Variants in ATP1B4 observed in about 807,000 individuals in gnomAD.
ATP1B4 encodes ATPase Na+/K+ transporting family member beta 4.
A neutral mutation model predicts 29.6 loss-of-function variants in ATP1B4; 32 were observed. The observed-to-expected ratio is 1.08, with a 90% CI of 0.82 to 1.45. The LOEUF is 1.45. ATP1B4 is among the 40% of genes most tolerant of loss of function. ATP1B4 has a pLI of 0.00. For synonymous variants in ATP1B4, 127 were observed against 102.1 expected (o/e 1.24, Z -1.47); for missense variants, 323 against 276.2 (o/e 1.17, Z -1.20).
At chrX:120,376,663 G>A (rs1243852856) in intron 6 of ATP1B4, among the ~76,000 whole-genome samples, 1 of 112,075 alleles carries the variant, frequency 8.9e-6, no homozygotes, top group Admixed American at 9.5e-5. Context: ...GTGTCAGTCA[G>A]TCTGTCATGA....
At chrX:120,364,792 C>T (rs994146976) in intron 1 of ATP1B4, among the ~76,000 whole-genome samples, 12 of 112,248 alleles carry the variant, frequency 1.1e-4, no homozygotes, top group Non-Finnish European at 2.3e-4. Context: ...TCACAGCTCA[C>T]TGCAGCCTTG....
chrX:120,375,507 T>C lies in ATP1B4; in HGVS notation c.698T>C (p.Leu233Pro). The C allele has an allele frequency of 8.3e-7, 1 of 1,211,454 alleles. No individual in the cohort carries two copies. The highest frequency in any genetic ancestry group is 1.1e-6 in the Non-Finnish European group (1 of 895,352). Residue 233 changes from leucine to proline, a missense_variant, in exon 5 of 8, where the codon CTG becomes CCG. By Grantham distance (98) the Leu-to-Pro change is moderately conservative (BLOSUM62 -3). Transcript: ENST00000218008. The part of the protein sequence containing the change: ...KRSFLKNCSG[L>P]EDPTFGYSTG... ...TCCTTCCTAAAGAACTGCTCTGGTC[T>C]GGAGGACCCAACTTTTGGATACTCT...
rs182358664 is a variant in ATP1B4, at chrX:120,375,141, A to C, written c.563-231A>C. ...TTCCATGGGAATGAAAAGCAAAGGAACAGGCAATCAAACTGGGCTGAAGTG... is the reference window on the plus strand; with the variant it reads ...TTCCATGGGAATGAAAAGCAAAGGACCAGGCAATCAAACTGGGCTGAAGTG... On this transcript the variant is annotated intron_variant, in intron 4 of 7. Transcript: ENST00000218008. Among the ~76,000 whole-genome samples the C allele has an allele frequency of 1.7e-4, 19 of 110,030 alleles. No homozygotes were observed. In the East Asian group the frequency reaches 2.6e-3, roughly 15 times the overall value.
At chrX:120,363,749 C>G (rs2058273617) in intron 1 of ATP1B4, among the ~76,000 whole-genome samples, 1 of 112,169 alleles carries the variant, frequency 8.9e-6, no homozygotes, top group Non-Finnish European at 1.9e-5. Flanking sequence ...CACACACCCA[C>G]TACCATATCC....
chrX:120,364,986 G>A (rs975380680), intron 1 of ATP1B4, among the ~76,000 whole-genome samples: 1 of 111,667 alleles, frequency 9.0e-6, no homozygotes, highest in Non-Finnish European at 1.9e-5. Flanking sequence ...CCAAAGTGTC[G>A]GGATTACAGG....
chrX:120,375,730 TC>T (rs757909308), intron 5 of ATP1B4, among the ~76,000 whole-genome samples, 162 bp downstream of exon 5: 1 of 107,761 alleles, frequency 9.3e-6, no homozygotes, highest in Admixed American at 1.0e-4. Context: ...ATCAATTTCT[TC>T]CCCCCCGCCC....
intron 4 of ATP1B4, among the ~76,000 whole-genome samples, chrX:120,371,645 G>A (rs749677629): frequency 1.6e-4 from 18 of 111,545 alleles, no homozygotes; most frequent in Non-Finnish European, 2.6e-4. Flanking sequence ...TCTTGGAGAT[G>A]GGTTAACTTG....
intron 6 of ATP1B4, 98 bp downstream of exon 6, chrX:120,376,534 G>A (rs2058357170): frequency 1.3e-6 from 1 of 756,966 alleles, no homozygotes; most frequent in East Asian, 3.2e-5. Context: ...GGTAGGCTAA[G>A]GAAAAGGTTA....
rs1318136034 is a variant in ATP1B4 at position 120,383,140 on chromosome X, T to G, written c.*3506T>G. Reference sequence around the variant, plus strand: ...CCTGAAATCATTATCCTAAAGTAACTTTTTTTAGGCACCTATTTTCTGGGG... The same window carrying G: ...CCTGAAATCATTATCCTAAAGTAACGTTTTTTAGGCACCTATTTTCTGGGG... On this transcript the variant is annotated 3_prime_UTR_variant, in exon 8 of 8. Coordinates refer to ENST00000218008, the MANE Select transcript of ATP1B4 (RefSeq NM_001142447.3). 1 of 112,407 alleles carries G rather than the reference T, an allele frequency of 8.9e-6. No homozygotes were observed. The highest frequency in any genetic ancestry group is 1.9e-5 in the Non-Finnish European group (1 of 53,270). The allele number at this position is 112,407 out of a possible 1,213,427, so 9.3% of individuals were successfully genotyped here. A position where few individuals can be genotyped will look rare whatever the true frequency, so the allele number is the denominator to read the frequency against.
At position 120,375,760 on chromosome X, in the gene ATP1B4, C is replaced by T. The variant is rs557870728; in HGVS notation, c.759+192C>T. Among the ~76,000 whole-genome samples, 51 of 108,977 alleles carry T rather than the reference C, an allele frequency of 4.7e-4. No individual in the cohort carries two copies. The South Asian group carries it at 0.02, about 42-fold the overall frequency. 94.6% of individuals were successfully genotyped at this position (108,977 alleles called of 115,157 possible). A position where few individuals can be genotyped will look rare whatever the true frequency, so the allele number is the denominator to read the frequency against. On this transcript the variant is annotated intron_variant, in intron 5 of 7. Transcript: ENST00000218008. The stretch of plus-strand genomic sequence containing the variant: ...CCCGCCCACCGAGCACTTCCTATGG[C>T]CATTCTTCTCCCTCACCCCCAAACC...
intron 4 of ATP1B4, among the ~76,000 whole-genome samples, 165 bp from the exon 5 acceptor site, chrX:120,375,207 A>G (rs940257687): frequency 3.7e-5 from 3 of 80,271 alleles, no homozygotes; most frequent in Non-Finnish European, 8.4e-5. Flanking sequence ...CTGCCGATGA[A>G]GGCTGTTGGG....
chrX:120,362,705 A>G (rs993759234), intron 1 of ATP1B4, among the ~76,000 whole-genome samples: 5 of 111,796 alleles, frequency 4.5e-5, no homozygotes, highest in African/African-American at 1.6e-4. Flanking sequence ...AGCTAAAATC[A>G]TAGAATCCCC....
In ATP1B4 at chrX:120,371,206, C is replaced by T. The variant is rs758130473; in HGVS notation, c.558C>T (p.Leu186=). Residue 186 remains leucine, a synonymous_variant, in exon 4 of 8, where the codon CTC becomes CTT. Transcript: ENST00000218008. ...ATGTGATTAGCCTAAATGGCTTTCT[C>T]CAGGGTAAGTAAGTTCGTCTGAATA... ...QHYVISLNGF[L]QGYNDSLQEE... The T allele has an allele frequency of 1.0e-5, 12 of 1,195,554 alleles. No homozygotes were observed. The South Asian group carries it at 2.1e-4, about 21-fold the overall frequency.
chrX:120,376,278 GC>G, intron 5 of ATP1B4, 101 bp from the exon 6 acceptor site: 1 of 753,015 alleles, frequency 1.3e-6, no homozygotes, highest in Non-Finnish European at 2.0e-6. Flanking sequence ...TGAAGCATAT[GC>G]CTGAGGAAGC....
rs779713973 is a variant in ATP1B4 at position 120,375,257 on chromosome X, AGAG to A, written c.563-111_563-109del. 2.8e-5 allele frequency: 18 copies of A among 640,909 alleles called. No homozygotes were observed. In the African/African-American group the frequency reaches 4.1e-4, roughly 14 times the overall value. The allele number at this position is 640,909 out of a possible 1,213,427, so 52.8% of individuals were successfully genotyped here. On this transcript the variant is annotated intron_variant, in intron 4 of 7. Transcript: ENST00000218008. ...TCACAGGTAGACTGAGTGGGCTTTC[AGAG>A]GAGTACAAACAAGCTGGAGAAAGGA... is the stretch of plus-strand genomic sequence containing the variant.
In ATP1B4 at chrX:120,380,699, G is replaced by A. The variant is rs970827454; in HGVS notation, c.*1065G>A. The A allele has an allele frequency of 7.1e-5, 8 of 112,260 alleles. No homozygotes were observed. The highest frequency in any genetic ancestry group is 2.6e-4 in the African/African-American group (8 of 30,877). The allele number at this position is 112,260 out of a possible 1,213,427, so 9.3% of individuals were successfully genotyped here. On this transcript the variant is annotated 3_prime_UTR_variant, in exon 8 of 8. Coordinates refer to ENST00000218008, the MANE Select transcript of ATP1B4 (RefSeq NM_001142447.3). ...CCATCAGGGGTGGTTACATAGACCA[G>A]CAGCTACAGCTCTGGAAATTGAAAT...
chrX:120,377,285 G>A (rs951965553), intron 6 of ATP1B4, among the ~76,000 whole-genome samples: 1 of 112,437 alleles, frequency 8.9e-6, no homozygotes, highest in African/African-American at 3.2e-5. Context: ...CTAGGTGTTA[G>A]AAGTGTCGAG....
At position 120,378,716 on chromosome X, in the gene ATP1B4, C is replaced by T. The variant is rs373599210; in HGVS notation, c.855C>T (p.Tyr285=). 1 of 1,211,179 alleles carries T rather than the reference C, an allele frequency of 8.3e-7. No homozygotes were observed. Among genetic ancestry groups the T allele is most frequent in the Non-Finnish European group, 1.1e-6 (1 of 895,160 alleles). Residue 285 remains tyrosine (Y), a synonymous_variant, in exon 7 of 8, where the codon TAC becomes TAT. Coordinates refer to ENST00000218008, the MANE Select transcript of ATP1B4 (RefSeq NM_001142447.3). ...ATGACATCCGATCCATCAGTTACTA[C>T]CCAGAGTCGGCTTCTTTTGACCTCC... ...DENDIRSISY[Y]PESASFDLRY...
chrX:120,370,501 C>T (rs892597339), intron 2 of ATP1B4, among the ~76,000 whole-genome samples: 1 of 112,020 alleles, frequency 8.9e-6, no homozygotes, highest in Non-Finnish European at 1.9e-5. Context: ...GCCCTTCCAT[C>T]GGAGATGCTG....
Sources: gnomAD v4.1 joint callset for allele counts (sites outside exome capture counted in the v4.1 genomes callset) on GRCh38, gnomAD v4.1.1 for gene constraint, MANE v1.5 for transcripts, NCBI Gene and HGNC (gene_info 2026-07-23, HGNC 2026-07-21) for gene names.